BCL2L1: variants seen among roughly 807,000 people sequenced by gnomAD.
BCL2L1 encodes bcl-2-like protein 1.
In BCL2L1, 1 loss-of-function variant was observed where a neutral mutation model predicts 18.7. That is an observed-to-expected ratio of 0.05 (90% CI 0.02 to 0.25). The LOEUF is 0.25. Ranked by LOEUF, BCL2L1 falls within the 10% of genes least tolerant of loss-of-function variation. BCL2L1 has a pLI of 1.00. For missense variants in BCL2L1, 207 were observed against 304.9 expected, an observed-to-expected ratio of 0.68 and a Z score of 2.39; for synonymous variants, 103 against 122.7, an observed-to-expected ratio of 0.84 and a Z score of 1.06.
chr20:31,676,189 C>T (rs1282780575), intron 2 of BCL2L1, among the ~76,000 whole-genome samples: 1 of 152,158 alleles, frequency 6.6e-6, no homozygotes, highest in Non-Finnish European at 1.5e-5. Context: ...GGCTCATAAC[C>T]TCCTTCCCTG....
chr20:31,713,109 C>A (rs1013942735), intron 2 of BCL2L1, among the ~76,000 whole-genome samples: 3 of 152,122 alleles, frequency 2.0e-5, no homozygotes, highest in African/African-American at 4.8e-5. Flanking sequence ...TGACACAGGG[C>A]ACCGCAAGCA....
At chr20:31,696,624 A>AT (rs2061174839) in intron 2 of BCL2L1, among the ~76,000 whole-genome samples, 1 of 152,224 alleles carries the variant, frequency 6.6e-6, no homozygotes, top group Non-Finnish European at 1.5e-5. Flanking sequence ...ATAAAGTGTC[A>AT]TTAGAGGCCA....
chr20:31,688,815 T>C (rs1479851225), intron 2 of BCL2L1, among the ~76,000 whole-genome samples: 2 of 152,222 alleles, frequency 1.3e-5, no homozygotes, highest in Non-Finnish European at 2.9e-5. Context: ...GTGCCCTGTG[T>C]AGAATACTAT....
chr20:31,700,558 A>G lies in BCL2L1; in HGVS notation c.564+21097T>C, dbSNP rs541463218. ...CACATATGCCTAAAATTTGACTGCC[A>G]CTGCCCACGGGTCTCTTCTTGAGAG... On this transcript the variant is annotated intron_variant, in intron 2 of 2. Transcript: ENST00000307677. 1.1e-4 allele frequency among the ~76,000 whole-genome samples: 17 copies of G among 152,318 alleles called. No individual in the cohort carries two copies. The South Asian group carries it at 3.1e-3, about 28-fold the overall frequency.
At chr20:31,715,836 T>C (rs1195160951) in intron 2 of BCL2L1, among the ~76,000 whole-genome samples, 1 of 152,190 alleles carries the variant, frequency 6.6e-6, no homozygotes, top group Non-Finnish European at 1.5e-5. Context: ...AGAGACTTTT[T>C]ATTTTTATTT....
intron 2 of BCL2L1, chr20:31,719,990 G>A (rs185890784): frequency 1.9e-5 from 12 of 643,528 alleles, no homozygotes; most frequent in Middle Eastern, 7.8e-4. Flanking sequence ...AATCAAAGCA[G>A]GAGGGAACAG....
chr20:31,715,105 T>C (rs560543166), intron 2 of BCL2L1, among the ~76,000 whole-genome samples: 1 of 152,084 alleles, frequency 6.6e-6, no homozygotes, highest in South Asian at 2.1e-4. Flanking sequence ...AAACCCCGTC[T>C]ACTAAAAATA....
chr20:31,721,462 C>A, intron 2 of BCL2L1, 193 bp downstream of exon 2: 1 of 646,236 alleles, frequency 1.5e-6, no homozygotes, highest in Non-Finnish European at 2.5e-6. Flanking sequence ...GATGCCTGAT[C>A]TCTGAAGCAC....
chr20:31,682,170 G>GT (rs2060875917), intron 2 of BCL2L1, among the ~76,000 whole-genome samples: 1 of 152,228 alleles, frequency 6.6e-6, no homozygotes, highest in Non-Finnish European at 1.5e-5. Flanking sequence ...AATAAATAAG[G>GT]TAATGCCAGA....
intron 2 of BCL2L1, among the ~76,000 whole-genome samples, chr20:31,666,297 T>A (rs2060587040): frequency 6.6e-6 from 1 of 151,832 alleles, no homozygotes; most frequent in Non-Finnish European, 1.5e-5. Context: ...GAGAAACAGG[T>A]AGAGAGGAGG....
At chr20:31,716,891 A>G (rs1260225589) in intron 2 of BCL2L1, 1 of 152,166 alleles carries the variant, frequency 6.6e-6, no homozygotes, top group Non-Finnish European at 1.5e-5. Flanking sequence ...TCCCCAGGCT[A>G]AACAAAAAGA....
intron 2 of BCL2L1, among the ~76,000 whole-genome samples, chr20:31,708,750 G>T (rs1312229063): frequency 2.0e-5 from 3 of 152,200 alleles, no homozygotes; most frequent in African/African-American, 7.2e-5. Context: ...CTGTGGGGCA[G>T]GGAAGGATTG....
intron 2 of BCL2L1, among the ~76,000 whole-genome samples, chr20:31,674,327 A>G (rs2060721632): frequency 6.6e-6 from 1 of 152,160 alleles, no homozygotes. Context: ...TAACCCATAT[A>G]GCTGATGGAT....
rs2060565928 is a variant in BCL2L1 at position 31,664,976 on chromosome 20, C to G, written c.*973G>C. ...CCTACCCCACCCCATGCAGCAGGCT[C>G]TCCTTCCTGCCCTTCCTGCCTGAGG... On this transcript the variant is annotated 3_prime_UTR_variant, in exon 3 of 3. Transcript: ENST00000307677. The G allele has an allele frequency of 5.0e-6, 1 of 201,708 alleles. No homozygotes were observed. The allele number at this position is 201,708 out of a possible 1,614,324, so 12.5% of individuals were successfully genotyped here. A position where few individuals can be genotyped will look rare whatever the true frequency, so the allele number is the denominator to read the frequency against.
chr20:31,688,606 ACCCTATTAAAAT>A (rs1488494043), intron 2 of BCL2L1, among the ~76,000 whole-genome samples: 1 of 151,988 alleles, frequency 6.6e-6, no homozygotes, highest in East Asian at 1.9e-4. Flanking sequence ...AGGCTAACTA[ACCCTATTAAAAT>A]CCCAAGTACA....
At chr20:31,668,027 A>T (rs1237148956) in intron 2 of BCL2L1, among the ~76,000 whole-genome samples, 2 of 152,050 alleles carry the variant, frequency 1.3e-5, no homozygotes, top group Admixed American at 1.3e-4. Flanking sequence ...GTCTAGTGGG[A>T]TCTGGCTCCA....
chr20:31,666,472 G>C (rs916538150), intron 2 of BCL2L1, among the ~76,000 whole-genome samples: 1 of 152,182 alleles, frequency 6.6e-6, no homozygotes, highest in South Asian at 2.1e-4. Context: ...GCAAGAGCCA[G>C]ACCATACGTG....
chr20:31,720,905 C>G (rs1054304074), intron 2 of BCL2L1: 2 of 985,324 alleles, frequency 2.0e-6, no homozygotes, highest in Admixed American at 6.2e-5. Flanking sequence ...GCAGCTGGAG[C>G]TCCCCAACCG....
At chr20:31,722,548 A>G in intron 1 of BCL2L1, 70 bp downstream of exon 1, 1 of 198,658 alleles carries the variant, frequency 5.0e-6, no homozygotes, top group South Asian at 1.9e-4. Flanking sequence ...CTTCTCCGAA[A>G]TGCCTTCCTC....
Sources: allele counts gnomAD v4.1 joint callset (sites outside exome capture counted in the v4.1 genomes callset), GRCh38; gene constraint gnomAD v4.1.1; transcripts MANE v1.5; gene names NCBI Gene and HGNC (gene_info 2026-07-23, HGNC 2026-07-21).